KCNQ3: variants seen among roughly 807,000 people sequenced by gnomAD.
KCNQ3 encodes potassium voltage-gated channel subfamily KQT member 3.
Under a neutral mutation model 92.5 loss-of-function variants are expected in KCNQ3, and 30 were observed. The ratio of observed to expected loss-of-function variants is 0.32; its 90% CI spans 0.24 to 0.44. KCNQ3 has a LOEUF of 0.44. KCNQ3 is among the 20% of genes least tolerant of loss of function. The probability of loss-of-function intolerance (pLI) is 1.00; values close to 1 mark genes in which losing one functional copy is unlikely to be tolerated. For synonymous variants in KCNQ3, 450 were observed against 468.8 expected (o/e 0.96, Z 0.52); for missense variants, 913 against 1,140.3 (o/e 0.80, Z 2.87).
chr8:132,434,902 T>A (rs1393713757), intron 1 of KCNQ3, among the ~76,000 whole-genome samples: 2 of 151,824 alleles, frequency 1.3e-5, no homozygotes, highest in African/African-American at 4.8e-5. Context: ...TAGGTAGGGG[T>A]CATTATTACT....
rs568466967 is a variant in KCNQ3 at position 132,129,367 on chromosome 8, C to T, written c.2514G>A (p.Thr838=). 22 of 1,614,196 alleles carry T rather than the reference C, an allele frequency of 1.4e-5. No homozygotes were observed. The highest frequency in any genetic ancestry group is 4.5e-5 in the East Asian group (2 of 44,866). ...GCGTGAAGGGGTCCGTGTCTGTGTCCGTCTCACCCTCGGCGAGGTACCGCT... is the reference window on the plus strand; with the variant it reads ...GCGTGAAGGGGTCCGTGTCTGTGTCTGTCTCACCCTCGGCGAGGTACCGCT... ...REKRYLAEGE[T]DTDTDPFTPS... is the part of the protein sequence containing the mutation. Residue 838 remains threonine (T), a synonymous_variant, in exon 15 of 15, where the codon ACG becomes ACA. Transcript: ENST00000388996. This position sits in a 1 kb window ranked among gnomAD's most constrained non-coding sequence, Gnocchi z 5.9.
At chr8:132,134,931 C>G (rs950831415) in intron 12 of KCNQ3, among the ~76,000 whole-genome samples, 1 of 151,776 alleles carries the variant, frequency 6.6e-6, no homozygotes, top group Non-Finnish European at 1.5e-5. Flanking sequence ...AAGATAGATC[C>G]AACACCAGCT....
At chr8:132,430,415 G>A (rs1821217405) in intron 1 of KCNQ3, among the ~76,000 whole-genome samples, 1 of 152,212 alleles carries the variant, frequency 6.6e-6, no homozygotes, top group African/African-American at 2.4e-5. Flanking sequence ...AAAGGTCACT[G>A]AGTCAGGAGC....
In KCNQ3 at chr8:132,225,177, C is replaced by A. The variant is rs1449629147; in HGVS notation, c.387-38996G>T. On this transcript the variant is annotated intron_variant, in intron 1 of 14. Transcript: ENST00000388996. The stretch of plus-strand genomic sequence containing the variant: ...AGAATAACAGTAAAGAATATTGTGC[C>A]CAAATGAAAACGGCTTTTAAAAATT... Among the ~76,000 whole-genome samples, 3 of 152,050 alleles carry A rather than the reference C, an allele frequency of 2.0e-5. No individual in the cohort carries two copies. The East Asian group carries it at 5.8e-4, about 29-fold the overall frequency.
chr8:132,213,066 T>C (rs1245652006), intron 1 of KCNQ3, among the ~76,000 whole-genome samples: 1 of 152,272 alleles, frequency 6.6e-6, no homozygotes, highest in Non-Finnish European at 1.5e-5. Context: ...CAAGACTTTT[T>C]TTTTTAAATA....
At chr8:132,209,588 C>A (rs1256794706) in intron 1 of KCNQ3, among the ~76,000 whole-genome samples, 2 of 151,700 alleles carry the variant, frequency 1.3e-5, no homozygotes, top group African/African-American at 2.4e-5. Flanking sequence ...CCCCTACTTA[C>A]AATAGTTTGA....
intron 1 of KCNQ3, among the ~76,000 whole-genome samples, chr8:132,342,050 G>C (rs1459698692): frequency 1.3e-5 from 2 of 151,998 alleles, no homozygotes; most frequent in Non-Finnish European, 2.9e-5. Flanking sequence ...AGTTCCACTG[G>C]GTATTGATCC....
chr8:132,214,321 A>G (rs1813957264), intron 1 of KCNQ3, among the ~76,000 whole-genome samples: 1 of 152,230 alleles, frequency 6.6e-6, no homozygotes, highest in African/African-American at 2.4e-5. Context: ...ATGATTTTAA[A>G]TGAACCAAGC....
intron 1 of KCNQ3, among the ~76,000 whole-genome samples, chr8:132,220,827 T>A (rs1318510011): frequency 2.0e-5 from 3 of 152,140 alleles, no homozygotes; most frequent in South Asian, 2.1e-4. Flanking sequence ...TTTATTTTTT[T>A]TATTATACTT....
intron 1 of KCNQ3, among the ~76,000 whole-genome samples, chr8:132,291,083 T>G (rs1204806727): frequency 6.6e-6 from 1 of 152,138 alleles, no homozygotes; most frequent in Admixed American, 6.6e-5. Context: ...GAATTGAGGA[T>G]CTCAGCAAAA....
chr8:132,324,413 T>G (rs931542593), intron 1 of KCNQ3, among the ~76,000 whole-genome samples: 3 of 152,136 alleles, frequency 2.0e-5, no homozygotes, highest in African/African-American at 7.2e-5. Flanking sequence ...TTAATTGAAT[T>G]AAGTGAAGAA....
At chr8:132,429,290 C>T (rs1181417674) in intron 1 of KCNQ3, among the ~76,000 whole-genome samples, 1 of 152,100 alleles carries the variant, frequency 6.6e-6, no homozygotes, top group African/African-American at 2.4e-5. Context: ...CCAAGTGCAC[C>T]TCCCATACAT....
Position 132,122,903 on chromosome 8 carries a change from G to A in KCNQ3, c.*6359C>T, listed in dbSNP as rs937359332. On this transcript the variant is annotated 3_prime_UTR_variant, in exon 15 of 15. Coordinates refer to ENST00000388996, the MANE Select transcript of KCNQ3 (RefSeq NM_004519.4). The stretch of plus-strand genomic sequence containing the variant: ...TCTCTTAGTTACATAACCATAAGAT[G>A]TCCTAAGTTGAGTCCTGTCTGCTTC... The A allele has an allele frequency of 7.9e-5, 12 of 152,184 alleles. No homozygotes were observed. The highest frequency in any genetic ancestry group is 4.6e-4 in the Admixed American group (7 of 15,278). 9.4% of individuals were successfully genotyped at this position (152,184 alleles called of 1,614,324 possible).
intron 1 of KCNQ3, among the ~76,000 whole-genome samples, chr8:132,283,802 T>A (rs1816602096): frequency 6.6e-6 from 1 of 152,252 alleles, no homozygotes; most frequent in African/African-American, 2.4e-5. Flanking sequence ...ATTTCTGACA[T>A]CATCTTTCAT....
chr8:132,285,036 G>A (rs1176210482), intron 1 of KCNQ3, among the ~76,000 whole-genome samples: 2 of 152,068 alleles, frequency 1.3e-5, no homozygotes, highest in African/African-American at 4.8e-5. Context: ...AATAAACCTC[G>A]TTTCTGTATA....
intron 1 of KCNQ3, among the ~76,000 whole-genome samples, chr8:132,401,536 C>A (rs1820332438): frequency 6.6e-6 from 1 of 152,244 alleles, no homozygotes; most frequent in South Asian, 2.1e-4. Context: ...CCACCACGCC[C>A]AGCTAATTTT....
intron 1 of KCNQ3, among the ~76,000 whole-genome samples, chr8:132,397,947 T>C (rs1247523990): frequency 6.6e-6 from 1 of 152,232 alleles, no homozygotes; most frequent in African/African-American, 2.4e-5. Flanking sequence ...GCATATCTAC[T>C]ATAAAATATC....
intron 1 of KCNQ3, among the ~76,000 whole-genome samples, chr8:132,315,520 C>T (rs1025718058): frequency 6.6e-6 from 1 of 152,042 alleles, no homozygotes; most frequent in Admixed American, 6.6e-5. Flanking sequence ...AGCTCATACT[C>T]CCAGGGTTTG....
At chr8:132,182,826 A>C (rs1826829015) in intron 3 of KCNQ3, among the ~76,000 whole-genome samples, 1 of 152,188 alleles carries the variant, frequency 6.6e-6, no homozygotes, top group African/African-American at 2.4e-5. Flanking sequence ...GAAAGAGGGC[A>C]AACGAAGAGA....
Sources: allele counts gnomAD v4.1 joint callset (sites outside exome capture counted in the v4.1 genomes callset), GRCh38; gene constraint gnomAD v4.1.1; non-coding constraint Gnocchi (gnomAD v3.1); transcripts MANE v1.5; gene names NCBI Gene and HGNC (gene_info 2026-07-23, HGNC 2026-07-21).